INO80: variants seen among roughly 807,000 people sequenced by gnomAD.
INO80 encodes INO80 complex ATPase subunit.
INO80 carries 20 observed loss-of-function variants against 203.4 expected under a neutral mutation model. The ratio of observed to expected loss-of-function variants is 0.10; its 90% CI spans 0.07 to 0.14. The LOEUF (loss-of-function observed/expected upper bound fraction) is 0.14. INO80 is among the 10% of genes least tolerant of loss of function. INO80 has a pLI of 1.00. For missense variants in INO80, 1,419 were observed against 1,914.4 expected, an observed-to-expected ratio of 0.74 and a Z score of 4.83; for synonymous variants, 726 against 685.2, an observed-to-expected ratio of 1.06 and a Z score of -0.93.
At chr15:41,100,314 T>C (rs959357747) in intron 1 of INO80, among the ~76,000 whole-genome samples, 5 of 152,170 alleles carry the variant, frequency 3.3e-5, no homozygotes, top group Non-Finnish European at 5.9e-5. Flanking sequence ...GACCTCGTGA[T>C]TCGCCCGCCT....
intron 1 of INO80, among the ~76,000 whole-genome samples, chr15:41,104,206 CA>C (rs35510472): frequency 0.025 from 1,037 of 41,528 alleles, 2 homozygotes; most frequent in South Asian, 0.071. Context: ...AACTCCATCT[CA>C]AAAAAAAAAA....
In INO80 at chr15:41,087,773, T is replaced by C. The variant is rs545698786; in HGVS notation, c.538-91A>G. The C allele has an allele frequency of 3.5e-5, 46 of 1,305,210 alleles. No homozygotes were observed. In the Admixed American group the frequency reaches 5.2e-4, roughly 15 times the overall value. The allele number at this position is 1,305,210 out of a possible 1,614,324, so 80.9% of individuals were successfully genotyped here. ...CAGAAAACTAAGCCAGAGGAAATCA[T>C]AGCTCCTAAATACAGTATTCTTCCC... On this transcript the variant is annotated intron_variant, in intron 5 of 35. Coordinates refer to ENST00000648947, the MANE Select transcript of INO80 (RefSeq NM_017553.3).
intron 4 of INO80, among the ~76,000 whole-genome samples, chr15:41,093,771 G>A (rs1394278978): frequency 3.3e-5 from 5 of 152,088 alleles, no homozygotes; most frequent in African/African-American, 1.2e-4. Flanking sequence ...CTAGAACCCA[G>A]GAGGTCGAAG....
At chr15:41,087,467 A>G in intron 6 of INO80, 95 bp downstream of exon 6, 7 of 1,279,778 alleles carry the variant, frequency 5.5e-6, no homozygotes, top group Non-Finnish European at 7.6e-6. Context: ...TTTCTACCAT[A>G]TGGACTTATA....
At chr15:41,053,428 G>A (rs1012478541) in intron 19 of INO80, among the ~76,000 whole-genome samples, 1 of 152,116 alleles carries the variant, frequency 6.6e-6, no homozygotes, top group African/African-American at 2.4e-5. Context: ...TTGAAGAAGA[G>A]AGACAGACAC....
Position 41,090,925 on chromosome 15 carries a change from CTT to C in INO80, c.537+1100_537+1101del, listed in dbSNP as rs60647460. Reference sequence around the variant, plus strand: ...TTGATTCCAGAGAATTTTAGAAATTCTTTTTTTTTTTTTTTTTGAGATGAAGT... The same window carrying C: ...TTGATTCCAGAGAATTTTAGAAATTCTTTTTTTTTTTTTTTGAGATGAAGT... On this transcript the variant is annotated intron_variant, in intron 5 of 35. Coordinates refer to ENST00000648947, the MANE Select transcript of INO80 (RefSeq NM_017553.3). Among the ~76,000 whole-genome samples the C allele has an allele frequency of 3.0e-3, 375 of 124,418 alleles. 1 individual carries two copies. The highest frequency in any genetic ancestry group is 0.015 in the South Asian group (58 of 3,908). The allele number at this position is 124,418 out of a possible 152,430, so 81.6% of individuals were successfully genotyped here.
Position 41,041,834 on chromosome 15 carries a change from CT to C in INO80, c.2907+3069del, listed in dbSNP as rs35077430. Among the ~76,000 whole-genome samples, 184 of 123,720 alleles carry C rather than the reference CT, an allele frequency of 1.5e-3. 1 individual carries two copies. The highest frequency in any genetic ancestry group is 4.2e-3 in the Middle Eastern group (1 of 236). 81.2% of individuals were successfully genotyped at this position (123,720 alleles called of 152,430 possible). On this transcript the variant is annotated intron_variant, in intron 24 of 35. Transcript: ENST00000648947. ...TTGCTTGGCTGAAAGGAAAGATTTC[CT>C]TTTTTTTTTTTTTTTTTGAGGCAGG...
chr15:41,038,835 C>G lies in INO80; in HGVS notation c.2907+6069G>C, dbSNP rs565524969. ...AAAATACAAATAACAAAGATCCCAACTGGTTTGATATAATGACTCTGGTAA... is the reference window on the plus strand; with the variant it reads ...AAAATACAAATAACAAAGATCCCAAGTGGTTTGATATAATGACTCTGGTAA... On this transcript the variant is annotated intron_variant, in intron 24 of 35. Coordinates refer to ENST00000648947, the MANE Select transcript of INO80 (RefSeq NM_017553.3). Among the ~76,000 whole-genome samples, 54 of 152,284 alleles carry G rather than the reference C, an allele frequency of 3.5e-4. No homozygotes were observed. In the South Asian group the frequency reaches 0.011, roughly 32 times the overall value.
chr15:41,059,379 C>G (rs1336835012), intron 15 of INO80, among the ~76,000 whole-genome samples: 3 of 150,540 alleles, frequency 2.0e-5, no homozygotes, highest in African/African-American at 7.3e-5. Flanking sequence ...AATCCCAGCA[C>G]TTTGGGAGGC....
chr15:41,112,648 C>T (rs1596335733), intron 1 of INO80, among the ~76,000 whole-genome samples: 1 of 151,536 alleles, frequency 6.6e-6, no homozygotes, highest in African/African-American at 2.4e-5. Flanking sequence ...ATTAGCCAGG[C>T]GTGGTGGCAT....
At chr15:41,087,915 A>C (rs926495067) in intron 5 of INO80, among the ~76,000 whole-genome samples, 1 of 151,762 alleles carries the variant, frequency 6.6e-6, no homozygotes, top group Non-Finnish European at 1.5e-5. Flanking sequence ...AGAAAGCAAA[A>C]CTCTTCATGC....
intron 24 of INO80, among the ~76,000 whole-genome samples, chr15:41,036,455 A>G (rs4468583): frequency 0.88 from 134,158 of 152,088 alleles, 61,266 homozygotes; most frequent in East Asian, 1. Context: ...ACTAAGTGCA[A>G]TAAGATCAAT....
intron 25 of INO80, among the ~76,000 whole-genome samples, chr15:41,025,816 T>C (rs1244905912): frequency 5.3e-5 from 8 of 152,158 alleles, no homozygotes; most frequent in Admixed American, 4.6e-4. Context: ...TAAACTTCCT[T>C]TTATTAGGTC....
At chr15:41,104,699 G>A (rs558933298) in intron 1 of INO80, among the ~76,000 whole-genome samples, 1 of 151,986 alleles carries the variant, frequency 6.6e-6, no homozygotes, top group Non-Finnish European at 1.5e-5. Flanking sequence ...CACCACACCT[G>A]GCTAATTTTT....
chr15:41,085,470 C>A lies in INO80; in HGVS notation c.772G>T (p.Ala258Ser). Reference sequence around the variant, plus strand: ...TTTTTCTTAGTGCCAGGGGGAGGTGCATCGTGAGAAAACTTGGCAAAGACT... The same window carrying A: ...TTTTTCTTAGTGCCAGGGGGAGGTGAATCGTGAGAAAACTTGGCAAAGACT... ...TKVFAKFSHDAPPPGTKKKHL... is the reference protein window; with the variant it reads ...TKVFAKFSHDSPPPGTKKKHL... Residue 258 changes from alanine to serine, a missense_variant, in exon 7 of 36, where the codon GCA becomes TCA. By Grantham distance (99) the Ala-to-Ser change is moderately conservative. Around this residue, in one of 9 missense-constraint regions of INO80, gnomAD observed 323 missense variants for 325.4 expected, o/e 0.99. Transcript: ENST00000648947. 1.2e-6 allele frequency: 2 copies of A among 1,614,180 alleles called. No homozygotes were observed. Among genetic ancestry groups the A allele is most frequent in the Non-Finnish European group, 1.7e-6 (2 of 1,180,026 alleles).
At chr15:41,014,216 T>G (rs2044170817) in intron 27 of INO80, among the ~76,000 whole-genome samples, 1 of 152,228 alleles carries the variant, frequency 6.6e-6, no homozygotes. Flanking sequence ...CTTGGAACTT[T>G]CCTTTCATAT....
intron 27 of INO80, chr15:41,011,545 T>A (rs2044133154): frequency 6.6e-6 from 1 of 151,670 alleles, no homozygotes; most frequent in Non-Finnish European, 1.5e-5. Flanking sequence ...TAAGACCTAA[T>A]AAGAACTCTA....
chr15:41,030,663 A>G (rs1036285476), intron 24 of INO80, among the ~76,000 whole-genome samples: 1 of 150,650 alleles, frequency 6.6e-6, no homozygotes, highest in Admixed American at 6.6e-5. Context: ...CACCTGGCCA[A>G]CATTCACTTA....
At chr15:41,071,558 G>C (rs1478780632) in intron 12 of INO80, among the ~76,000 whole-genome samples, 1 of 143,672 alleles carries the variant, frequency 7.0e-6, no homozygotes, top group Non-Finnish European at 1.5e-5. Flanking sequence ...AGATTCAAAT[G>C]ATTCTCCTGC....
Sources: allele counts gnomAD v4.1 joint callset (sites outside exome capture counted in the v4.1 genomes callset), GRCh38; gene constraint gnomAD v4.1.1; regional missense constraint gnomAD v4.1.1; transcripts MANE v1.5; gene names NCBI Gene and HGNC (gene_info 2026-07-23, HGNC 2026-07-21).